TMTC2: variants seen among roughly 807,000 people sequenced by gnomAD.
TMTC2 encodes protein O-mannosyl-transferase TMTC2.
A neutral mutation model predicts 82.4 loss-of-function variants in TMTC2; 43 were observed. That is an observed-to-expected ratio of 0.52 (90% CI 0.41 to 0.67). TMTC2 has a LOEUF of 0.67. TMTC2 is among the 30% of genes least tolerant of loss of function. The pLI, the probability that TMTC2 is intolerant of heterozygous loss-of-function variation, is 0.00. For missense variants in TMTC2, 919 were observed against 1,012.4 expected, an observed-to-expected ratio of 0.91 and a Z score of 1.25; for synonymous variants, 408 against 381.9, an observed-to-expected ratio of 1.07 and a Z score of -0.80.
At chr12:82,691,021 T>C (rs1212283892) in intron 1 of TMTC2, among the ~76,000 whole-genome samples, 1 of 152,174 alleles carries the variant, frequency 6.6e-6, no homozygotes, top group Non-Finnish European at 1.5e-5. Flanking sequence ...CAGACAAAGG[T>C]AAACAAACCA....
At chr12:83,003,418 C>A (rs1880015235) in intron 8 of TMTC2, among the ~76,000 whole-genome samples, 1 of 151,994 alleles carries the variant, frequency 6.6e-6, no homozygotes, top group Admixed American at 6.5e-5. Flanking sequence ...CATTTACATT[C>A]AGGATTAATA....
intron 1 of TMTC2, among the ~76,000 whole-genome samples, chr12:82,723,586 C>T (rs1399839189): frequency 6.6e-6 from 1 of 152,090 alleles, no homozygotes; most frequent in Non-Finnish European, 1.5e-5. Context: ...TTTTATTTTT[C>T]TCTTGGGAAT....
intron 3 of TMTC2, among the ~76,000 whole-genome samples, chr12:82,901,668 C>T (rs2662077): frequency 0.059 from 8,997 of 151,870 alleles, 741 homozygotes; most frequent in African/African-American, 0.18. Context: ...TTTTTTCTTT[C>T]GACTCAGACA....
intron 8 of TMTC2, among the ~76,000 whole-genome samples, chr12:83,006,655 T>A (rs1029896885): frequency 6.6e-6 from 1 of 152,326 alleles, no homozygotes; most frequent in South Asian, 2.1e-4. Context: ...TGCACACACG[T>A]ATGTTTATTG....
intron 3 of TMTC2, among the ~76,000 whole-genome samples, chr12:82,907,155 G>A (rs1359647957): frequency 6.6e-6 from 1 of 152,064 alleles, no homozygotes; most frequent in Admixed American, 6.6e-5. Flanking sequence ...AGTTGCAGAA[G>A]TTCAGACGCC....
At chr12:83,001,700 C>G (rs923009264) in intron 8 of TMTC2, among the ~76,000 whole-genome samples, 5 of 151,010 alleles carry the variant, frequency 3.3e-5, no homozygotes, top group Non-Finnish European at 5.9e-5. Flanking sequence ...GAAGTCATCT[C>G]TCTCAAGTTC....
chr12:82,800,775 T>A (rs1021452826), intron 1 of TMTC2, among the ~76,000 whole-genome samples: 1 of 152,178 alleles, frequency 6.6e-6, no homozygotes, highest in Admixed American at 6.5e-5. Flanking sequence ...GATTTTTAAC[T>A]GGTAGAGTCA....
chr12:82,758,767 C>T (rs975433145), intron 1 of TMTC2: 4 of 152,062 alleles, frequency 2.6e-5, no homozygotes, highest in South Asian at 4.1e-4. Context: ...TAATTAAAAT[C>T]CTAATGGTAT....
intron 1 of TMTC2, among the ~76,000 whole-genome samples, chr12:82,770,098 G>T (rs547924201): frequency 1.1e-4 from 17 of 152,152 alleles, no homozygotes; most frequent in Non-Finnish European, 2.1e-4. Context: ...GAATTTAAGT[G>T]TCCTTGAGTG....
intron 2 of TMTC2, among the ~76,000 whole-genome samples, chr12:82,872,138 T>C (rs1339514985): frequency 6.6e-6 from 1 of 151,716 alleles, no homozygotes; most frequent in African/African-American, 2.4e-5. Context: ...TAGGCTCTAA[T>C]TGGTTTGGAA....
rs1486276995 is a variant in TMTC2 at position 82,903,512 on chromosome 12, C to T, written c.1483+6866C>T. On this transcript the variant is annotated intron_variant, in intron 3 of 11. Coordinates refer to ENST00000321196, the MANE Select transcript of TMTC2 (RefSeq NM_152588.3). ...CTGCAAGCGCCGCCTCCCAGGTTCA[C>T]GCCATTCTCCTGCCTCAGCCTCCCG... 2.0e-5 allele frequency among the ~76,000 whole-genome samples: 3 copies of T among 152,074 alleles called. 1 individual carries two copies. The highest frequency in any genetic ancestry group is 3.9e-4 in the East Asian group (2 of 5,168).
At chr12:82,752,338 T>C (rs183591120) in intron 1 of TMTC2, among the ~76,000 whole-genome samples, 13 of 151,912 alleles carry the variant, frequency 8.6e-5, no homozygotes, top group African/African-American at 3.1e-4. Context: ...TACAAAAAAT[T>C]CGCCAGGTCT....
chr12:82,856,897 C>A, intron 1 of TMTC2, 113 bp from the exon 2 acceptor site: 2 of 1,054,836 alleles, frequency 1.9e-6, no homozygotes, highest in Non-Finnish European at 1.4e-6. Flanking sequence ...GGAATCCCAT[C>A]ACAAAGCTAC....
At chr12:82,867,854 A>T (rs1276961711) in intron 2 of TMTC2, among the ~76,000 whole-genome samples, 1 of 152,188 alleles carries the variant, frequency 6.6e-6, no homozygotes, top group African/African-American at 2.4e-5. Context: ...AATATATTTA[A>T]TATTGTGAAA....
chr12:82,903,534 C>T (rs1279032710), intron 3 of TMTC2, among the ~76,000 whole-genome samples: 1 of 152,198 alleles, frequency 6.6e-6, no homozygotes, highest in Non-Finnish European at 1.5e-5. Flanking sequence ...GCCTCAGCCT[C>T]CCGAGTAGCT....
chr12:82,727,015 C>G (rs1874490426), intron 1 of TMTC2, among the ~76,000 whole-genome samples: 1 of 151,264 alleles, frequency 6.6e-6, no homozygotes, highest in Non-Finnish European at 1.5e-5. Context: ...TCCTGAGCCA[C>G]AGTTGAGTGA....
chr12:82,850,791 C>A (rs1261078213), intron 1 of TMTC2, among the ~76,000 whole-genome samples: 1 of 151,524 alleles, frequency 6.6e-6, no homozygotes, highest in Non-Finnish European at 1.5e-5. Context: ...GTGGGCAGGG[C>A]ACAGTGGCTC....
At chr12:82,840,701 G>C (rs1425247994) in intron 1 of TMTC2, among the ~76,000 whole-genome samples, 1 of 152,214 alleles carries the variant, frequency 6.6e-6, no homozygotes, top group Non-Finnish European at 1.5e-5. Flanking sequence ...GTATACACCT[G>C]TTCCAAGTAT....
intron 1 of TMTC2, among the ~76,000 whole-genome samples, chr12:82,738,866 G>A (rs1414573347): frequency 2.0e-5 from 3 of 151,944 alleles, no homozygotes; most frequent in Non-Finnish European, 4.4e-5. Context: ...AATGATACAT[G>A]GCTGGGTGTG....
Sources: gnomAD v4.1 joint callset for allele counts (sites outside exome capture counted in the v4.1 genomes callset) on GRCh38, gnomAD v4.1.1 for gene constraint, MANE v1.5 for transcripts, NCBI Gene and HGNC (gene_info 2026-07-23, HGNC 2026-07-21) for gene names.